The following SARNP variants were observed in gnomAD, a reference collection of about 807,000 sequenced individuals.
The protein encoded by SARNP is SAP domain-containing ribonucleoprotein.
In SARNP, 5 loss-of-function variants were observed where a neutral mutation model predicts 38.1. That is an observed-to-expected ratio of 0.13 (90% CI 0.07 to 0.28). The LOEUF is 0.28. SARNP is among the 10% of genes least tolerant of loss of function. The pLI, the probability that SARNP is intolerant of heterozygous loss-of-function variation, is 1.00. For missense variants in SARNP, 180 were observed against 243.9 expected (o/e 0.74, Z 1.75); for synonymous variants, 84 against 80.6 (o/e 1.04, Z -0.23).
intron 9 of SARNP, among the ~76,000 whole-genome samples, chr12:55,772,220 C>T (rs1440160226): frequency 6.6e-6 from 1 of 152,162 alleles, no homozygotes; most frequent in East Asian, 1.9e-4. Flanking sequence ...CACATATACA[C>T]ATAACACACC....
intron 2 of SARNP, among the ~76,000 whole-genome samples, chr12:55,802,925 T>TA (rs755202709): frequency 0.086 from 11,759 of 136,988 alleles, 550 homozygotes; most frequent in Non-Finnish European, 0.12. Flanking sequence ...GACGCATCTT[T>TA]AAAAAAAAAA....
chr12:55,801,624 A>G (rs1326607330), intron 2 of SARNP, among the ~76,000 whole-genome samples: 1 of 152,100 alleles, frequency 6.6e-6, no homozygotes, highest in East Asian at 1.9e-4. Flanking sequence ...ATGACAAGAC[A>G]TTTGTTTTTG....
intron 9 of SARNP, among the ~76,000 whole-genome samples, chr12:55,774,331 A>C (rs1313853290): frequency 6.6e-6 from 1 of 151,836 alleles, no homozygotes; most frequent in Admixed American, 6.6e-5. Flanking sequence ...CTTCTTTTCA[A>C]CCACCTCATA....
In SARNP at chr12:55,778,759, C is replaced by T. The variant is rs79047891; in HGVS notation, c.501+10316G>A. Among the ~76,000 whole-genome samples, 394 of 152,238 alleles carry T rather than the reference C, an allele frequency of 2.6e-3. 18 individuals carry two copies. The East Asian group carries it at 0.066, about 26-fold the overall frequency. On this transcript the variant is annotated intron_variant, in intron 9 of 10. Coordinates refer to ENST00000336133, the MANE Select transcript of SARNP (RefSeq NM_033082.4). The stretch of plus-strand genomic sequence containing the variant: ...GGCTGAGGCTGGCGGATCACAAGAT[C>T]AGGAGTTTAAGATCAGCTTGGCCAA...
intron 9 of SARNP, chr12:55,761,812 G>C (rs912526450): frequency 2.0e-5 from 3 of 152,082 alleles, no homozygotes; most frequent in Non-Finnish European, 2.9e-5. Flanking sequence ...AATCAGGTAG[G>C]CTCCTCGGGT....
chr12:55,764,706 C>A (rs111988069), intron 9 of SARNP, among the ~76,000 whole-genome samples: 30 of 150,252 alleles, frequency 2.0e-4, no homozygotes, highest in African/African-American at 7.4e-4. Flanking sequence ...GGTGTGGTGG[C>A]GAGTAGTAGT....
intron 9 of SARNP, among the ~76,000 whole-genome samples, chr12:55,769,758 G>A (rs576955147): frequency 2.6e-5 from 4 of 152,236 alleles, no homozygotes; most frequent in African/African-American, 4.8e-5. Flanking sequence ...GTTCACTTTC[G>A]GTATTCAATA....
Position 55,760,538 on chromosome 12 carries a change from G to A in SARNP, c.591+13C>T. 2 of 1,499,156 alleles carry A rather than the reference G, an allele frequency of 1.3e-6. No individual in the cohort carries two copies. Among genetic ancestry groups the A allele is most frequent in the Middle Eastern group, 1.7e-4 (1 of 5,834 alleles). The allele number at this position is 1,499,156 out of a possible 1,614,324, so 92.9% of individuals were successfully genotyped here. ...CCTTCAAGGTCTATGAAGCGTTCCA[G>A]GTATATTTTTACCTCTGTATCCTCT... On this transcript the variant is annotated intron_variant, in intron 10 of 10. Coordinates refer to ENST00000336133, the MANE Select transcript of SARNP (RefSeq NM_033082.4).
chr12:55,815,070 T>A (rs1880442916), intron 1 of SARNP, among the ~76,000 whole-genome samples: 1 of 152,178 alleles, frequency 6.6e-6, no homozygotes, highest in African/African-American at 2.4e-5. Flanking sequence ...TTCTTTTTTT[T>A]GAGACAAGGT....
chr12:55,775,241 T>TAAAAAAAA (rs375018386), intron 9 of SARNP, among the ~76,000 whole-genome samples: 3 of 118,516 alleles, frequency 2.5e-5, no homozygotes, highest in African/African-American at 6.0e-5. Flanking sequence ...AGGTTAAAAT[T>TAAAAAAAA]AAAAAAAAAA....
intron 1 of SARNP, among the ~76,000 whole-genome samples, chr12:55,809,739 G>T (rs1423402881): frequency 8.9e-6 from 1 of 112,486 alleles, no homozygotes; most frequent in Non-Finnish European, 2.1e-5. Context: ...GGGAGACCCT[G>T]TCTCAAAAAA....
At chr12:55,775,428 G>A (rs781142206) in intron 9 of SARNP, among the ~76,000 whole-genome samples, 1 of 150,450 alleles carries the variant, frequency 6.6e-6, no homozygotes, top group African/African-American at 2.4e-5. Flanking sequence ...GGGCATGGTG[G>A]TGCATACTTG....
At chr12:55,807,833 T>A (rs1250032877) in intron 1 of SARNP, among the ~76,000 whole-genome samples, 25 of 147,368 alleles carry the variant, frequency 1.7e-4, no homozygotes, top group South Asian at 2.1e-4. Context: ...AAAAAAAAAA[T>A]TTTTTTTAAG....
At chr12:55,796,599 C>CCA (rs1879827328) in intron 4 of SARNP, among the ~76,000 whole-genome samples, 1 of 152,134 alleles carries the variant, frequency 6.6e-6, no homozygotes, top group Non-Finnish European at 1.5e-5. Flanking sequence ...GATAGGGTTT[C>CCA]ACCATGTTGG....
intron 9 of SARNP, among the ~76,000 whole-genome samples, chr12:55,787,109 G>A (rs1253645400): frequency 6.6e-6 from 1 of 151,894 alleles, no homozygotes; most frequent in East Asian, 1.9e-4. Context: ...GCACACATCT[G>A]TGGTCCCACC....
At chr12:55,766,046 T>C (rs1193028348) in intron 9 of SARNP, among the ~76,000 whole-genome samples, 1 of 152,218 alleles carries the variant, frequency 6.6e-6, no homozygotes, top group Non-Finnish European at 1.5e-5. Context: ...CTCATGTCTC[T>C]CTGCATTCAT....
intron 8 of SARNP, among the ~76,000 whole-genome samples, chr12:55,789,710 G>A (rs373844773): frequency 1.3e-5 from 2 of 151,994 alleles, no homozygotes; most frequent in African/African-American, 2.4e-5. Flanking sequence ...TTGGGAGGCC[G>A]AGGCAGGTGG....
chr12:55,799,878 G>A (rs1287167027), intron 4 of SARNP, among the ~76,000 whole-genome samples: 2 of 150,402 alleles, frequency 1.3e-5, no homozygotes, highest in African/African-American at 2.4e-5. Flanking sequence ...CCAGAAAAGT[G>A]CAAAACTCTT....
At chr12:55,814,798 G>A (rs1182700751) in intron 1 of SARNP, among the ~76,000 whole-genome samples, 1 of 151,908 alleles carries the variant, frequency 6.6e-6, no homozygotes, top group Non-Finnish European at 1.5e-5. Context: ...GAACCTGGAA[G>A]GCGGAGGTTG....
Sources: gnomAD v4.1 joint callset for allele counts (sites outside exome capture counted in the v4.1 genomes callset) on GRCh38, gnomAD v4.1.1 for gene constraint, MANE v1.5 for transcripts, NCBI Gene and HGNC (gene_info 2026-07-23, HGNC 2026-07-21) for gene names.